The following NBEA variants were observed in gnomAD, a reference collection of about 807,000 sequenced individuals.
NBEA encodes lysosomal-trafficking regulator 2.
A neutral mutation model predicts 343.4 loss-of-function variants in NBEA; 44 were observed. That is an observed-to-expected ratio of 0.13 (90% CI 0.10 to 0.16). The LOEUF (loss-of-function observed/expected upper bound fraction) is 0.16. Ranked by LOEUF, NBEA falls within the 10% of genes least tolerant of loss-of-function variation. The probability of loss-of-function intolerance (pLI) is 1.00; values close to 1 mark genes in which losing one functional copy is unlikely to be tolerated. For missense variants in NBEA, 2,555 were observed against 3,631.3 expected (o/e 0.70, Z 7.62); for synonymous variants, 1,175 against 1,238.7 (o/e 0.95, Z 1.08).
At chr13:34,981,869 A>C (rs1294741069) in intron 1 of NBEA, among the ~76,000 whole-genome samples, 3 of 151,982 alleles carry the variant, frequency 2.0e-5, no homozygotes, top group Admixed American at 1.3e-4. Flanking sequence ...CACACTGTTC[A>C]TAAACATTTC....
At chr13:35,290,077 G>C (rs1337352260) in intron 34 of NBEA, among the ~76,000 whole-genome samples, 1 of 151,546 alleles carries the variant, frequency 6.6e-6, no homozygotes, top group East Asian at 1.9e-4. Context: ...TCCCCACCTT[G>C]TTTAAATGTA....
At chr13:35,154,364 G>A (rs2069007943) in intron 18 of NBEA, among the ~76,000 whole-genome samples, 1 of 152,118 alleles carries the variant, frequency 6.6e-6, no homozygotes, top group Non-Finnish European at 1.5e-5. Context: ...AACGTTGGTG[G>A]TTTTGCAGCA....
chr13:34,981,112 G>C (rs1020036942), intron 1 of NBEA, among the ~76,000 whole-genome samples: 1 of 152,006 alleles, frequency 6.6e-6, no homozygotes, highest in African/African-American at 2.4e-5. Context: ...GGCAACTACC[G>C]ATTTACCCTC....
At chr13:35,646,134 C>A in intron 50 of NBEA, 125 bp from the exon 51 acceptor site, 1 of 766,364 alleles carries the variant, frequency 1.3e-6, no homozygotes, top group South Asian at 1.8e-5. Flanking sequence ...GAGAAAAGAG[C>A]ACCCGTTGAA....
At chr13:35,265,342 C>A (rs2033582790) in intron 34 of NBEA, among the ~76,000 whole-genome samples, 1 of 151,876 alleles carries the variant, frequency 6.6e-6, no homozygotes, top group Non-Finnish European at 1.5e-5. Context: ...ATACCAATGA[C>A]ATTCTTCACA....
At chr13:35,429,646 CT>C (rs1258983392) in intron 38 of NBEA, among the ~76,000 whole-genome samples, 1 of 152,082 alleles carries the variant, frequency 6.6e-6, no homozygotes, top group African/African-American at 2.4e-5. Context: ...TAATAGGTTT[CT>C]GGGGAACAGG....
chr13:35,596,872 T>C (rs2081827277), intron 47 of NBEA, among the ~76,000 whole-genome samples: 1 of 151,804 alleles, frequency 6.6e-6, no homozygotes, highest in Non-Finnish European at 1.5e-5. Flanking sequence ...TCTTGTGGAA[T>C]TAATGAATGC....
intron 47 of NBEA, among the ~76,000 whole-genome samples, chr13:35,602,306 T>C (rs559525134): frequency 1.3e-5 from 2 of 152,376 alleles, no homozygotes; most frequent in East Asian, 3.9e-4. Flanking sequence ...TAAAACTTGC[T>C]ATTTGAAACA....
intron 41 of NBEA, among the ~76,000 whole-genome samples, chr13:35,530,055 T>C (rs186459820): frequency 7.2e-5 from 11 of 152,352 alleles, no homozygotes; most frequent in African/African-American, 2.6e-4. Context: ...TTCTTTACTC[T>C]GTGTTCATAG....
intron 39 of NBEA, among the ~76,000 whole-genome samples, chr13:35,441,859 G>A (rs1309784172): frequency 6.7e-6 from 1 of 150,068 alleles, no homozygotes; most frequent in Non-Finnish European, 1.5e-5. Flanking sequence ...AAGACACTGA[G>A]GTAATGTCAC....
At chr13:35,097,965 T>A (rs2152637855) in intron 10 of NBEA, among the ~76,000 whole-genome samples, 1 of 152,222 alleles carries the variant, frequency 6.6e-6, no homozygotes, top group South Asian at 2.1e-4. Flanking sequence ...TATGATACAT[T>A]ATAAATGATG....
At chr13:34,967,553 C>T (rs1017459020) in intron 1 of NBEA, among the ~76,000 whole-genome samples, 2 of 151,908 alleles carry the variant, frequency 1.3e-5, no homozygotes, top group African/African-American at 2.4e-5. Flanking sequence ...GAAAGATAGA[C>T]AAGTAAATAC....
rs1005592867 is a variant in NBEA at position 35,583,830 on chromosome 13, A to G, written c.7036-68A>G. On this transcript the variant is annotated intron_variant, in intron 45 of 58. Coordinates refer to ENST00000379939, the MANE Select transcript of NBEA (RefSeq NM_001385012.1). ...GAATTAACAGTGAAATACTGAAAGT[A>G]TAAAGATTTATTATCTAGGATATCT... 3.5e-6 allele frequency: 4 copies of G among 1,154,954 alleles called. No individual in the cohort carries two copies. In the African/African-American group the frequency reaches 4.7e-5, roughly 14 times the overall value. 71.5% of individuals were successfully genotyped at this position (1,154,954 alleles called of 1,614,324 possible).
chr13:35,289,692 G>A (rs970593771), intron 34 of NBEA, among the ~76,000 whole-genome samples: 1 of 151,880 alleles, frequency 6.6e-6, no homozygotes, highest in South Asian at 2.1e-4. Flanking sequence ...GACCATGCAC[G>A]TAAGGCACTG....
chr13:35,423,870 G>T (rs888055363), intron 38 of NBEA, among the ~76,000 whole-genome samples: 2 of 152,080 alleles, frequency 1.3e-5, no homozygotes, highest in East Asian at 1.9e-4. Flanking sequence ...CTTCATATCC[G>T]TTGTAAGTTG....
chr13:35,231,056 C>T (rs1283256197), intron 33 of NBEA, among the ~76,000 whole-genome samples: 2 of 152,044 alleles, frequency 1.3e-5, no homozygotes, highest in Non-Finnish European at 2.9e-5. Flanking sequence ...TGCCAAATCC[C>T]CTTCAAATCC....
At chr13:35,442,807 C>A (rs1490815736) in intron 39 of NBEA, among the ~76,000 whole-genome samples, 2 of 152,062 alleles carry the variant, frequency 1.3e-5, no homozygotes, top group African/African-American at 4.8e-5. Context: ...ACTCTATTAG[C>A]AGGCCTGTCA....
chr13:35,253,277 A>G (rs946456965), intron 34 of NBEA, among the ~76,000 whole-genome samples: 1 of 152,226 alleles, frequency 6.6e-6, no homozygotes, highest in Non-Finnish European at 1.5e-5. Context: ...GTTTGTGGCA[A>G]CCTTGCATGG....
At chr13:35,375,009 C>T (rs1022038654) in intron 38 of NBEA, among the ~76,000 whole-genome samples, 2 of 152,128 alleles carry the variant, frequency 1.3e-5, no homozygotes, top group African/African-American at 2.4e-5. Flanking sequence ...ACAATACCAA[C>T]TTCAATACCA....
Sources: allele counts gnomAD v4.1 joint callset (sites outside exome capture counted in the v4.1 genomes callset), GRCh38; gene constraint gnomAD v4.1.1; transcripts MANE v1.5; gene names NCBI Gene and HGNC (gene_info 2026-07-23, HGNC 2026-07-21).